Variants in MAGOHB observed in about 807,000 individuals in gnomAD.
The protein encoded by MAGOHB is mago homolog B, exon junction complex subunit.
Under a neutral mutation model 20.9 loss-of-function variants are expected in MAGOHB, and 15 were observed. The observed-to-expected ratio is 0.72, with a 90% CI of 0.48 to 1.11. The LOEUF (loss-of-function observed/expected upper bound fraction) is 1.11. Among genes scored for constraint, MAGOHB ranks in the 50% least tolerant of loss-of-function variants. The pLI, the probability that MAGOHB is intolerant of heterozygous loss-of-function variation, is 0.00. For missense variants in MAGOHB, 162 were observed against 177.6 expected (o/e 0.91, Z 0.50); for synonymous variants, 50 against 57.9 (o/e 0.86, Z 0.62).
chr12:10,610,415 G>A (rs943849163), intron 2 of MAGOHB, among the ~76,000 whole-genome samples: 1 of 152,054 alleles, frequency 6.6e-6, no homozygotes, highest in African/African-American at 2.4e-5. Flanking sequence ...TGTAGTTCAC[G>A]TCAAGGTTAG....
Position 10,612,935 on chromosome 12 carries a change from T to G in MAGOHB, c.94+504A>C, listed in dbSNP as rs751531117. On this transcript the variant is annotated intron_variant, in intron 1 of 4. Coordinates refer to ENST00000320756, the MANE Select transcript of MAGOHB (RefSeq NM_018048.5). ...AGAAGATCTTCCTGACTCCCTCCTG[T>G]GGAACTTTACCTCTCCCCTCTTGCT... 1.2e-5 allele frequency: 16 copies of G among 1,289,194 alleles called. 1 individual carries two copies. In the South Asian group the frequency reaches 2.0e-4, roughly 16 times the overall value. 79.9% of individuals were successfully genotyped at this position (1,289,194 alleles called of 1,614,324 possible). A position where few individuals can be genotyped will look rare whatever the true frequency, so the allele number is the denominator to read the frequency against.
chr12:10,609,517 TC>T (rs1392741518), intron 3 of MAGOHB: 11 of 391,642 alleles, frequency 2.8e-5, no homozygotes, highest in Non-Finnish European at 5.3e-5. Context: ...TTTTACATAG[TC>T]ATATTCTTAA....
At chr12:10,601,090 C>G (rs952717626), downstream of MAGOHB, among the ~76,000 whole-genome samples, 1 of 152,160 alleles carries the variant, frequency 6.6e-6, no homozygotes, top group Admixed American at 6.6e-5. Context: ...AGAGTAAAGA[C>G]GGTCCATATC....
At chr12:10,609,684 G>C (rs1865687957) in intron 3 of MAGOHB, 147 bp downstream of exon 3, 6 of 605,444 alleles carry the variant, frequency 9.9e-6, no homozygotes, top group Admixed American at 3.0e-5. Context: ...ACAGAACTAA[G>C]AGATAAAATT....
intron 4 of MAGOHB, among the ~76,000 whole-genome samples, chr12:10,606,739 CCTT>C (rs981435808): frequency 2.6e-5 from 4 of 151,396 alleles, no homozygotes; most frequent in African/African-American, 9.7e-5. Flanking sequence ...TTCCTTGTGC[CCTT>C]TTTTACATTA....
chr12:10,607,084 T>C (rs943123795), intron 4 of MAGOHB, among the ~76,000 whole-genome samples: 4 of 152,186 alleles, frequency 2.6e-5, no homozygotes, highest in African/African-American at 9.6e-5. Context: ...ATTTGATAGT[T>C]TAAAAGCATT....
At chr12:10,610,453 T>G (rs1404419087) in intron 2 of MAGOHB, among the ~76,000 whole-genome samples, 169 bp downstream of exon 2, 2 of 152,096 alleles carry the variant, frequency 1.3e-5, no homozygotes, top group African/African-American at 4.8e-5. Flanking sequence ...TTCCTATGGA[T>G]GCAAACACTG....
Position 10,613,422 on chromosome 12 carries a change from C to G in MAGOHB, c.94+17G>C. On this transcript the variant is annotated intron_variant, in intron 1 of 4. Coordinates refer to ENST00000320756, the MANE Select transcript of MAGOHB (RefSeq NM_018048.5). ...GCTCCCCTTTCCCAGCACCGCGTGC[C>G]GTGGGCCTCTTCTCACCGTCCGGCC... 1.2e-6 allele frequency: 2 copies of G among 1,612,266 alleles called. No homozygotes were observed. The highest frequency in any genetic ancestry group is 1.7e-6 in the Non-Finnish European group (2 of 1,178,274).
At chr12:10,599,845 T>C (rs1312642736), downstream of MAGOHB, among the ~76,000 whole-genome samples, 3 of 152,112 alleles carry the variant, frequency 2.0e-5, no homozygotes, top group Non-Finnish European at 4.4e-5. Flanking sequence ...AAAGATAAAA[T>C]TTTGTACACA....
rs1865585711 is a variant in MAGOHB at position 10,604,261 on chromosome 12, AG to A, written c.*2013del. ...CATAACCTGAGCGCAATAAAAATCT[AG>A]TTTCATATAAAACTAGTATTATACA... is the stretch of plus-strand genomic sequence containing the variant. On this transcript the variant is annotated 3_prime_UTR_variant, in exon 5 of 5. Transcript: ENST00000320756. The A allele has an allele frequency of 6.6e-6, 1 of 152,224 alleles. No individual in the cohort carries two copies. Among genetic ancestry groups the A allele is most frequent in the Admixed American group, 6.5e-5 (1 of 15,288 alleles). The allele number at this position is 152,224 out of a possible 1,614,324, so 9.4% of individuals were successfully genotyped here.
Position 10,613,599 on chromosome 12 carries a change from T to G in MAGOHB, c.-67A>C, listed in dbSNP as rs1053171605. On this transcript the variant is annotated 5_prime_UTR_variant, in exon 1 of 5. The change abolishes an upstream ATG in the 5' untranslated region. Coordinates refer to ENST00000320756, the MANE Select transcript of MAGOHB (RefSeq NM_018048.5). The stretch of plus-strand genomic sequence containing the variant: ...CCCCCGGCGCCTTGCAGTGACGTCA[T>G]CGCGCGGAATAAGTGCGTCACCACA... 11 of 1,029,502 alleles carry G rather than the reference T, an allele frequency of 1.1e-5. No homozygotes were observed. Among genetic ancestry groups the G allele is most frequent in the Non-Finnish European group, 1.7e-5 (11 of 646,608 alleles). 63.8% of individuals were successfully genotyped at this position (1,029,502 alleles called of 1,614,324 possible).
intron 1 of MAGOHB, chr12:10,612,986 G>A: frequency 7.9e-7 from 1 of 1,266,380 alleles, no homozygotes; most frequent in South Asian, 1.2e-5. Context: ...GTCCTATGGT[G>A]AACAATTACA....
At chr12:10,611,972 A>C (rs944831679) in intron 1 of MAGOHB, among the ~76,000 whole-genome samples, 2 of 152,216 alleles carry the variant, frequency 1.3e-5, no homozygotes, top group Admixed American at 6.5e-5. Context: ...ACTGAAAATA[A>C]TACTACATAA....
At chr12:10,608,092 T>A in intron 3 of MAGOHB, 156 bp from the exon 4 acceptor site, 1 of 543,068 alleles carries the variant, frequency 1.8e-6, no homozygotes, top group East Asian at 3.2e-5. Context: ...GTTTCTTAGA[T>A]ATAAACTATA....
At position 10,604,198 on chromosome 12, in the gene MAGOHB, T is replaced by A. The variant is rs1233556904; in HGVS notation, c.*2077A>T. 1 of 152,186 alleles carries A rather than the reference T, an allele frequency of 6.6e-6. No individual in the cohort carries two copies. The highest frequency in any genetic ancestry group is 1.5e-5 in the Non-Finnish European group (1 of 68,050). 9.4% of individuals were successfully genotyped at this position (152,186 alleles called of 1,614,324 possible). Reference sequence around the variant, plus strand: ...AGTACTTGGAAAAAGTCTGATTATTTCAAGTGGTCTCTTTATTAAGGAAGG... The same window carrying A: ...AGTACTTGGAAAAAGTCTGATTATTACAAGTGGTCTCTTTATTAAGGAAGG... On this transcript the variant is annotated 3_prime_UTR_variant, in exon 5 of 5. Coordinates refer to ENST00000320756, the MANE Select transcript of MAGOHB (RefSeq NM_018048.5).
Position 10,606,116 on chromosome 12 carries a change from A to T in MAGOHB, c.*159T>A. 1 of 495,696 alleles carries T rather than the reference A, an allele frequency of 2.0e-6. No homozygotes were observed. Among genetic ancestry groups the T allele is most frequent in the Non-Finnish European group, 3.6e-6 (1 of 277,274 alleles). 30.7% of individuals were successfully genotyped at this position (495,696 alleles called of 1,614,324 possible). On this transcript the variant is annotated 3_prime_UTR_variant, in exon 5 of 5. Transcript: ENST00000320756. ...CTGTCCAACCCATATGGACTCAAGT[A>T]AGGATAACCATTAAGCTTGCTAATG... is the stretch of plus-strand genomic sequence containing the variant.
chr12:10,606,389 G>A lies in MAGOHB; in HGVS notation c.348-15C>T, dbSNP rs1379360976. On this transcript the variant is annotated splice_polypyrimidine_tract_variant and intron_variant, in intron 4 of 4. Transcript: ENST00000320756. Reference sequence around the variant, plus strand: ...CTTCAGGATCCCTAAAATTTAAAAAGGTAAAAGTTACTTTTTCTTCCTAGG... The same window carrying A: ...CTTCAGGATCCCTAAAATTTAAAAAAGTAAAAGTTACTTTTTCTTCCTAGG... 4 of 1,415,014 alleles carry A rather than the reference G, an allele frequency of 2.8e-6. No homozygotes were observed. The Admixed American group carries it at 6.6e-5, about 23-fold the overall frequency. The allele number at this position is 1,415,014 out of a possible 1,614,324, so 87.7% of individuals were successfully genotyped here. A position where few individuals can be genotyped will look rare whatever the true frequency, so the allele number is the denominator to read the frequency against.
chr12:10,601,959 G>C (rs78568450), downstream of MAGOHB, among the ~76,000 whole-genome samples: 1,900 of 152,284 alleles, frequency 0.012, 42 homozygotes, highest in African/African-American at 0.041. Context: ...ATGTTATACT[G>C]AGCCAGGTTC....
Position 10,612,660 on chromosome 12 carries a change from T to C in MAGOHB, c.94+779A>G. On this transcript the variant is annotated intron_variant, in intron 1 of 4. Transcript: ENST00000320756. ...TGTACCTTAAAATTTTGTATTTGCT[T>C]GTTGTCCAGCACAAAACGTGCATTC... The C allele has an allele frequency of 2.6e-6, 3 of 1,141,064 alleles. No individual in the cohort carries two copies. The South Asian group carries it at 5.8e-5, about 22-fold the overall frequency. The allele number at this position is 1,141,064 out of a possible 1,614,324, so 70.7% of individuals were successfully genotyped here. A position where few individuals can be genotyped will look rare whatever the true frequency, so the allele number is the denominator to read the frequency against.
Sources: gnomAD v4.1 joint callset for allele counts (sites outside exome capture counted in the v4.1 genomes callset) on GRCh38, gnomAD v4.1.1 for gene constraint, MANE v1.5 for transcripts, NCBI Gene and HGNC (gene_info 2026-07-23, HGNC 2026-07-21) for gene names.